The following ILDR1 variants were observed in gnomAD, a reference collection of about 807,000 sequenced individuals.
The protein encoded by ILDR1 is immunoglobulin like domain containing receptor 1.
A neutral mutation model predicts 62.4 loss-of-function variants in ILDR1; 56 were observed. The observed-to-expected ratio is 0.90, with a 90% CI of 0.72 to 1.12. ILDR1 has a LOEUF of 1.12. ILDR1 is among the 50% of genes most tolerant of loss of function. ILDR1 has a pLI of 0.00. For missense variants in ILDR1, 736 were observed against 710.6 expected, an observed-to-expected ratio of 1.04 and a Z score of -0.41; for synonymous variants, 284 against 277.8, an observed-to-expected ratio of 1.02 and a Z score of -0.22.
At chr3:122,027,713 G>T in the ILDR1 span, among the ~76,000 whole-genome samples, 1 of 152,134 alleles carries the variant, frequency 6.6e-6, no homozygotes, top group Non-Finnish European at 1.5e-5. Context: ...AGAAGAAAGA[G>T]ATAATTTGCA....
Position 121,993,370 on chromosome 3 carries a change from C to T in ILDR1, c.1379G>A (p.Gly460Glu), listed in dbSNP as rs760017535. 1.9e-6 allele frequency: 3 copies of T among 1,610,948 alleles called. No homozygotes were observed. Among genetic ancestry groups the T allele is most frequent in the African/African-American group, 2.7e-5 (2 of 74,980 alleles). The part of the protein sequence containing the change: ...PSPRESTQRH[G>E]RRRRHRSYSP... ...GTAGCTGCGGTGCCTGCGTCGTCTC[C>T]CGTGCCTCTGAGTGCTCTCCCGGGG... The change falls in exon 7 of 8, where the codon GGG (glycine) becomes GAG (glutamate). Residue 460 changes from glycine to glutamate, a missense_variant. Transcript: ENST00000344209.
intron 5 of ILDR1, among the ~76,000 whole-genome samples, chr3:122,000,146 G>A (rs1260775975): frequency 6.6e-6 from 1 of 151,452 alleles, no homozygotes; most frequent in Non-Finnish European, 1.5e-5. Flanking sequence ...TGAGACTTAT[G>A]CCTCAGTCAC....
intron 3 of ILDR1, among the ~76,000 whole-genome samples, chr3:122,003,336 A>G (rs2071556076): frequency 6.6e-6 from 1 of 152,220 alleles, no homozygotes; most frequent in South Asian, 2.1e-4. Context: ...TTCTCTTTCT[A>G]CGTCAATATC....
At chr3:122,038,829 A>G in the ILDR1 span, among the ~76,000 whole-genome samples, 1 of 152,218 alleles carries the variant, frequency 6.6e-6, no homozygotes, top group Admixed American at 6.5e-5. Flanking sequence ...TAGATATAAA[A>G]AATTGCATGG....
intron 3 of ILDR1, among the ~76,000 whole-genome samples, chr3:122,004,943 G>T (rs2071581362): frequency 1.3e-5 from 2 of 152,140 alleles, no homozygotes; most frequent in South Asian, 4.1e-4. Context: ...AAAGAAACCT[G>T]ATCCACAACT....
At chr3:122,024,792 G>T (rs536229828), upstream of ILDR1, among the ~76,000 whole-genome samples, 5 of 152,200 alleles carry the variant, frequency 3.3e-5, no homozygotes, top group Admixed American at 6.5e-5. Context: ...GCCTAGGTGA[G>T]GTGATCTGAC....
intron 1 of ILDR1, among the ~76,000 whole-genome samples, chr3:122,007,770 T>G (rs1159542133): frequency 6.6e-6 from 1 of 152,160 alleles, no homozygotes; most frequent in African/African-American, 2.4e-5. Context: ...CTGGGCTAAT[T>G]ATGATTCGTG....
the ILDR1 span, among the ~76,000 whole-genome samples, chr3:122,047,414 A>T: frequency 6.6e-6 from 1 of 152,256 alleles, no homozygotes; most frequent in Non-Finnish European, 1.5e-5. Context: ...AGAGACAGGC[A>T]GGCCTCCTTG....
upstream of ILDR1, among the ~76,000 whole-genome samples, chr3:122,026,822 G>C (rs1167359369): frequency 2.6e-5 from 4 of 152,056 alleles, no homozygotes; most frequent in Non-Finnish European, 5.9e-5. Flanking sequence ...GGATATTCTA[G>C]CCAACACAAT....
rs202182159 is a variant in ILDR1, at chr3:122,006,953, T to C, written c.229+38A>G. 1.9e-6 allele frequency: 3 copies of C among 1,595,790 alleles called. No homozygotes were observed. In the East Asian group the frequency reaches 6.8e-5, roughly 36 times the overall value. ...AACCGCAGTATGTCACAGAGGTGTCTGGGACCCACAGAGGGCCAAGGGGGT... is the reference window on the plus strand; with the variant it reads ...AACCGCAGTATGTCACAGAGGTGTCCGGGACCCACAGAGGGCCAAGGGGGT... On this transcript the variant is annotated intron_variant, in intron 2 of 7. Coordinates refer to ENST00000344209, the MANE Select transcript of ILDR1 (RefSeq NM_001199799.2).
At chr3:121,999,288 T>G (rs2071482531) in intron 5 of ILDR1, among the ~76,000 whole-genome samples, 1 of 152,218 alleles carries the variant, frequency 6.6e-6, no homozygotes, top group Non-Finnish European at 1.5e-5. Context: ...CCTGAATTTC[T>G]CAAATTTCCT....
chr3:122,022,315 C>G (rs1009591217), upstream of ILDR1: 8 of 419,936 alleles, frequency 1.9e-5, no homozygotes, highest in Non-Finnish European at 3.3e-5. Context: ...GTTTCCTGCT[C>G]CGCCCCCGCC....
chr3:122,005,210 C>CCCCCCATT, intron 3 of ILDR1, 34 bp downstream of exon 3: 7 of 1,198,852 alleles, frequency 5.8e-6, no homozygotes, highest in South Asian at 2.5e-5. Context: ...CCTCCCCCCA[C>CCCCCCATT]CCCCAGTTCC....
chr3:122,042,366 G>T, the ILDR1 span, among the ~76,000 whole-genome samples: 1 of 59,968 alleles, frequency 1.7e-5, no homozygotes, highest in Non-Finnish European at 3.4e-5. Flanking sequence ...GAATAATGCC[G>T]CAATAAACAT....
the ILDR1 span, among the ~76,000 whole-genome samples, chr3:122,051,311 C>A: frequency 7.9e-5 from 12 of 152,132 alleles, no homozygotes; most frequent in East Asian, 1.9e-3. Context: ...TACTTATTTT[C>A]TTTGTTGCTA....
the ILDR1 span, among the ~76,000 whole-genome samples, chr3:122,031,870 A>T: frequency 2.0e-5 from 3 of 152,240 alleles, no homozygotes; most frequent in Non-Finnish European, 4.4e-5. Flanking sequence ...TCTAAAGCAG[A>T]CATTACACAC....
rs922641725 is a variant in ILDR1 at position 121,988,161 on chromosome 3, C to T, written c.*206G>A. 5 of 651,972 alleles carry T rather than the reference C, an allele frequency of 7.7e-6. No homozygotes were observed. The highest frequency in any genetic ancestry group is 3.0e-5 in the East Asian group (1 of 33,006). 40.4% of individuals were successfully genotyped at this position (651,972 alleles called of 1,614,324 possible). On this transcript the variant is annotated 3_prime_UTR_variant, in exon 8 of 8. Transcript: ENST00000344209. ...CTCCTAGTCTCAAGTGATTCTTAGCCTCCCAAAGTGCTGTGATTACAGGTG... is the reference window on the plus strand; with the variant it reads ...CTCCTAGTCTCAAGTGATTCTTAGCTTCCCAAAGTGCTGTGATTACAGGTG...
At chr3:122,047,643 A>G in the ILDR1 span, among the ~76,000 whole-genome samples, 19 of 152,138 alleles carry the variant, frequency 1.2e-4, no homozygotes, top group Non-Finnish European at 2.8e-4. Context: ...CCGGTCTGAA[A>G]AGCGCAATAT....
chr3:122,038,576 A>G, the ILDR1 span, among the ~76,000 whole-genome samples: 2,755 of 152,362 alleles, frequency 0.018, 36 homozygotes, highest in Non-Finnish European at 0.028. Context: ...CAACACGTCT[A>G]ACTTGCAACA....
Sources: allele counts gnomAD v4.1 joint callset (sites outside exome capture counted in the v4.1 genomes callset), GRCh38; gene constraint gnomAD v4.1.1; transcripts MANE v1.5; gene names NCBI Gene and HGNC (gene_info 2026-07-23, HGNC 2026-07-21).